RIMS3: variants seen among roughly 807,000 people sequenced by gnomAD.
RIMS3 encodes the protein regulating synaptic membrane exocytosis 3.
In RIMS3, 15 loss-of-function variants were observed where a neutral mutation model predicts 29.2. That is an observed-to-expected ratio of 0.51 (90% CI 0.34 to 0.79). The LOEUF is 0.79. Among genes scored for constraint, RIMS3 ranks in the 30% least tolerant of loss-of-function variants. RIMS3 has a pLI of 0.01. For synonymous variants in RIMS3, 161 were observed against 170.1 expected, an observed-to-expected ratio of 0.95 and a Z score of 0.41; for missense variants, 342 against 421.4, an observed-to-expected ratio of 0.81 and a Z score of 1.65.
Position 40,629,362 on chromosome 1 carries a change from G to A in RIMS3, c.483C>T (p.His161=). ...GGCCACTCCGGTCCATGATGGCAATGTGCACATCTCCTGAAAGGAAGAAGA... is the reference window on the plus strand; with the variant it reads ...GGCCACTCCGGTCCATGATGGCAATATGCACATCTCCTGAAAGGAAGAAGA... ...TLATPPMGDV[H]IAIMDRSGQL... Residue 161 remains histidine, a synonymous_variant, in exon 6 of 8, where the codon CAC becomes CAT. Transcript: ENST00000372684. 6.2e-7 allele frequency: 1 copy of A among 1,613,990 alleles called. No individual in the cohort carries two copies. The highest frequency in any genetic ancestry group is 8.5e-7 in the Non-Finnish European group (1 of 1,179,856).
Position 40,627,538 on chromosome 1 carries a change from T to C in RIMS3, c.715-809A>G, listed in dbSNP as rs552611739. 7.9e-5 allele frequency among the ~76,000 whole-genome samples: 12 copies of C among 152,314 alleles called. No individual in the cohort carries two copies. The South Asian group carries it at 1.7e-3, about 21-fold the overall frequency. On this transcript the variant is annotated intron_variant, in intron 7 of 7. Coordinates refer to ENST00000372684, the MANE Select transcript of RIMS3 (RefSeq NM_014747.3). ...CCACTGTGCCCGGCCGTTATTCCTTTTCTAAGCAAACACCAAAGATTATTC... is the reference window on the plus strand; with the variant it reads ...CCACTGTGCCCGGCCGTTATTCCTTCTCTAAGCAAACACCAAAGATTATTC...
intron 1 of RIMS3, among the ~76,000 whole-genome samples, chr1:40,663,534 C>T (rs1642382289): frequency 6.6e-6 from 1 of 152,176 alleles, no homozygotes; most frequent in Admixed American, 6.5e-5. Context: ...TGTTTTCTTC[C>T]CTCCTTAAAG....
intron 6 of RIMS3, 143 bp downstream of exon 6, chr1:40,629,128 C>A (rs774041561): frequency 2.9e-6 from 3 of 1,043,610 alleles, no homozygotes; most frequent in South Asian, 1.4e-5. Context: ...CTTACTCCCC[C>A]ACCTAGTCAC....
chr1:40,673,035 C>T, the RIMS3 span, among the ~76,000 whole-genome samples: 5 of 152,062 alleles, frequency 3.3e-5, no homozygotes, highest in South Asian at 4.1e-4. Context: ...CAAAAATTAG[C>T]GGAGCGTGGT....
Position 40,622,482 on chromosome 1 carries a change from T to C in RIMS3, c.*4035A>G, listed in dbSNP as rs1646427575. 6.6e-6 allele frequency: 1 copy of C among 152,206 alleles called. No individual in the cohort carries two copies. Among genetic ancestry groups the C allele is most frequent in the African/African-American group, 2.4e-5 (1 of 41,436 alleles). 9.4% of individuals were successfully genotyped at this position (152,206 alleles called of 1,614,324 possible). On this transcript the variant is annotated 3_prime_UTR_variant, in exon 8 of 8. Transcript: ENST00000372684. ...GACAGTCCAGTAGAAGAAGCAGCATTTTAAAGAATCTCTTTACATGTCAGG... is the reference window on the plus strand; with the variant it reads ...GACAGTCCAGTAGAAGAAGCAGCATCTTAAAGAATCTCTTTACATGTCAGG...
At chr1:40,652,920 C>T (rs1642207516) in intron 1 of RIMS3, among the ~76,000 whole-genome samples, 1 of 152,062 alleles carries the variant, frequency 6.6e-6, no homozygotes, top group Non-Finnish European at 1.5e-5. Flanking sequence ...GGCCAGGAGT[C>T]GTGGGTGTGG....
At chr1:40,657,394 G>A (rs948393736) in intron 1 of RIMS3, among the ~76,000 whole-genome samples, 3 of 152,160 alleles carry the variant, frequency 2.0e-5, no homozygotes, top group African/African-American at 7.2e-5. Context: ...ATTAAGAGAG[G>A]TGAAGAGCTT....
At chr1:40,682,069 G>A in the RIMS3 span, among the ~76,000 whole-genome samples, 1 of 152,094 alleles carries the variant, frequency 6.6e-6, no homozygotes, top group Non-Finnish European at 1.5e-5. Flanking sequence ...CCTGACCTCA[G>A]GTGATCTGCC....
At chr1:40,683,559 G>A in the RIMS3 span, among the ~76,000 whole-genome samples, 5 of 152,244 alleles carry the variant, frequency 3.3e-5, no homozygotes, top group Non-Finnish European at 7.3e-5. Context: ...CCAGCCTCCA[G>A]AACCACAACC....
At chr1:40,669,365 C>G (rs749883221), upstream of RIMS3, 2 of 152,172 alleles carry the variant, frequency 1.3e-5, no homozygotes, top group Non-Finnish European at 2.9e-5. Context: ...GGCCTCAGCT[C>G]TTAATGTAAT....
chr1:40,678,150 G>A, the RIMS3 span, among the ~76,000 whole-genome samples: 2 of 152,212 alleles, frequency 1.3e-5, no homozygotes, highest in African/African-American at 4.8e-5. Context: ...GCTTATGCCT[G>A]TAATCCCAGC....
chr1:40,670,309 T>C (rs1642475106), upstream of RIMS3, among the ~76,000 whole-genome samples: 2 of 151,828 alleles, frequency 1.3e-5, no homozygotes, highest in South Asian at 2.1e-4. Context: ...GGTTAGATGC[T>C]ATGGGAGGGA....
In RIMS3 at chr1:40,628,975, G is replaced by C. The variant is rs542830529; in HGVS notation, c.575-26C>G. On this transcript the variant is annotated intron_variant, in intron 6 of 7. Coordinates refer to ENST00000372684, the MANE Select transcript of RIMS3 (RefSeq NM_014747.3). The stretch of plus-strand genomic sequence containing the variant: ...CTAAGGGAGGAGAGAATGTATGACA[G>C]GGAGGGGTCCAGGACAGACAGCTTT... 268 of 1,612,514 alleles carry C rather than the reference G, an allele frequency of 1.7e-4. 3 individuals are homozygous for C. The South Asian group carries it at 2.7e-3, about 16-fold the overall frequency.
chr1:40,658,224 T>G (rs554402829), intron 1 of RIMS3, among the ~76,000 whole-genome samples: 11 of 152,322 alleles, frequency 7.2e-5, no homozygotes, highest in Admixed American at 7.2e-4. Flanking sequence ...CCCTCTCTCC[T>G]CACTCCAAAG....
At chr1:40,681,582 T>C in the RIMS3 span, 1 of 152,218 alleles carries the variant, frequency 6.6e-6, no homozygotes, top group Non-Finnish European at 1.5e-5. Context: ...GTAAAATTAA[T>C]CTAATAAAAC....
At chr1:40,691,152 G>C in the RIMS3 span, 2 of 152,316 alleles carry the variant, frequency 1.3e-5, no homozygotes, top group African/African-American at 4.8e-5. Flanking sequence ...ATTCAAATAA[G>C]AACAACTATG....
chr1:40,652,603 C>T (rs1642195680), intron 1 of RIMS3, among the ~76,000 whole-genome samples: 1 of 152,160 alleles, frequency 6.6e-6, no homozygotes, highest in Admixed American at 6.5e-5. Context: ...ACGTTGTGTT[C>T]AGAGGCTGGC....
intron 1 of RIMS3, among the ~76,000 whole-genome samples, chr1:40,656,723 T>A (rs1642278043): frequency 6.9e-6 from 1 of 145,328 alleles, no homozygotes; most frequent in African/African-American, 2.6e-5. Flanking sequence ...GCAGAGGTTG[T>A]GGTGAGCTGA....
intron 2 of RIMS3, among the ~76,000 whole-genome samples, chr1:40,645,175 T>C (rs779189409): frequency 3.9e-5 from 6 of 152,220 alleles, no homozygotes; most frequent in Non-Finnish European, 5.9e-5. Context: ...CTGGGGCCTA[T>C]GATGATCTCT....
Sources: gnomAD v4.1 joint callset for allele counts (sites outside exome capture counted in the v4.1 genomes callset) on GRCh38, gnomAD v4.1.1 for gene constraint, MANE v1.5 for transcripts, NCBI Gene and HGNC (gene_info 2026-07-23, HGNC 2026-07-21) for gene names.